CEP83: variants seen among roughly 807,000 people sequenced by gnomAD.
CEP83 encodes centrosomal protein 83, also known as centrosomal protein of 83 kDa.
CEP83 carries 70 observed loss-of-function variants against 101.9 expected under a neutral mutation model. That is an observed-to-expected ratio of 0.69 (90% CI 0.57 to 0.84). The LOEUF is 0.84. CEP83 is among the 40% of genes least tolerant of loss of function. CEP83 has a pLI of 0.00. For synonymous variants in CEP83, 264 were observed against 267.9 expected (o/e 0.99, Z 0.14); for missense variants, 715 against 787.2 (o/e 0.91, Z 1.10).
chr12:94,278,065 CCT>C, the CEP83 span: 8 of 455,938 alleles, frequency 1.8e-5, no homozygotes, highest in East Asian at 5.6e-4. Context: ...GCCCCCCCTC[CCT>C]CTGTCTCTGT....
chr12:94,301,019 A>T, the CEP83 span: 3 of 1,613,920 alleles, frequency 1.9e-6, no homozygotes, highest in South Asian at 3.3e-5. Context: ...CCAGGCATTC[A>T]TGGATGCATT....
intron 6 of CEP83, among the ~76,000 whole-genome samples, chr12:94,391,491 A>C (rs2062531417): frequency 6.6e-6 from 1 of 152,222 alleles, no homozygotes; most frequent in Non-Finnish European, 1.5e-5. Flanking sequence ...CTAAACATGG[A>C]AAGAAACAAC....
At chr12:94,268,020 T>C in the CEP83 span, among the ~76,000 whole-genome samples, 1 of 152,162 alleles carries the variant, frequency 6.6e-6, no homozygotes, top group East Asian at 1.9e-4. Flanking sequence ...TGGGGGCAGA[T>C]TCTTTCAAGG....
intron 14 of CEP83, among the ~76,000 whole-genome samples, chr12:94,324,060 T>A (rs1169209115): frequency 6.6e-6 from 1 of 152,256 alleles, no homozygotes; most frequent in African/African-American, 2.4e-5. Context: ...CATTTTTCTA[T>A]ATCACTAAAT....
At chr12:94,297,126 C>A in the CEP83 span, 2 of 1,545,082 alleles carry the variant, frequency 1.3e-6, no homozygotes, top group Non-Finnish European at 1.8e-6. Flanking sequence ...AAGAGAAGGC[C>A]GATTAGCCCA....
At chr12:94,444,624 G>T (rs2066663849) in intron 1 of CEP83, among the ~76,000 whole-genome samples, 2 of 152,102 alleles carry the variant, frequency 1.3e-5, no homozygotes, top group Admixed American at 1.3e-4. Flanking sequence ...TTCCAGGTAG[G>T]AATGGAGGAT....
chr12:94,453,030 T>C (rs931738772), intron 1 of CEP83, among the ~76,000 whole-genome samples: 1 of 152,236 alleles, frequency 6.6e-6, no homozygotes, highest in Admixed American at 6.5e-5. Flanking sequence ...TTTATTTAGA[T>C]AGGTTTACAT....
rs1464490195 is a variant in CEP83 at position 94,308,817 on chromosome 12, TCTC to T, written c.2099_2101del (p.Gly700del). 1 of 1,604,314 alleles carries T rather than the reference TCTC, an allele frequency of 6.2e-7. No homozygotes were observed. Among genetic ancestry groups the T allele is most frequent in the South Asian group, 1.1e-5 (1 of 90,750 alleles). On this transcript the variant is annotated inframe_deletion, in exon 17 of 17. Coordinates refer to ENST00000397809, the MANE Select transcript of CEP83 (RefSeq NM_016122.3). ...TCTGCCTGTTCTCCAAGAACATCAT[TCTC>T]CGGAAGATCCAAGTTCCTCTAGTTG...
At chr12:94,315,752 G>C (rs750458281) in intron 14 of CEP83, among the ~76,000 whole-genome samples, 3 of 151,690 alleles carry the variant, frequency 2.0e-5, no homozygotes, top group Non-Finnish European at 2.9e-5. Flanking sequence ...TATGTTGTGA[G>C]GTTAGGCTGA....
At chr12:94,322,563 GGAGA>G (rs1427468407) in intron 14 of CEP83, among the ~76,000 whole-genome samples, 1 of 152,182 alleles carries the variant, frequency 6.6e-6, no homozygotes, top group Non-Finnish European at 1.5e-5. Context: ...CCTCTCTCTG[GGAGA>G]GCCATTCCAG....
chr12:94,428,543 C>T (rs2065381025), intron 2 of CEP83, among the ~76,000 whole-genome samples: 1 of 152,150 alleles, frequency 6.6e-6, no homozygotes, highest in Non-Finnish European at 1.5e-5. Context: ...GAAATTGATA[C>T]TTAAAACTGA....
chr12:94,435,030 TCTGGTCC>T (rs1338267383), intron 2 of CEP83, among the ~76,000 whole-genome samples: 2 of 152,250 alleles, frequency 1.3e-5, no homozygotes, highest in Non-Finnish European at 2.9e-5. Flanking sequence ...TTCCTTATTC[TCTGGTCC>T]CTTATTCCCA....
chr12:94,294,855 G>GAT, the CEP83 span, among the ~76,000 whole-genome samples: 1 of 152,110 alleles, frequency 6.6e-6, no homozygotes, highest in African/African-American at 2.4e-5. Flanking sequence ...GCCTAACAGA[G>GAT]GAGATCCCCC....
At chr12:94,385,171 A>G (rs949238217) in intron 6 of CEP83, among the ~76,000 whole-genome samples, 1 of 152,140 alleles carries the variant, frequency 6.6e-6, no homozygotes, top group African/African-American at 2.4e-5. Context: ...CATAATGAAC[A>G]GGGGTGGGAG....
intron 7 of CEP83, among the ~76,000 whole-genome samples, chr12:94,376,690 T>TATACACACACACACAC (rs1555235995): frequency 1.5e-3 from 176 of 117,350 alleles, no homozygotes; most frequent in East Asian, 5.1e-3. Context: ...TATACATATA[T>TATACACACACACACAC]ACACACACAC....
At chr12:94,406,349 A>AAACAAC (rs201551331) in intron 4 of CEP83, among the ~76,000 whole-genome samples, 5 of 151,476 alleles carry the variant, frequency 3.3e-5, no homozygotes, top group African/African-American at 4.9e-5. Flanking sequence ...AACAAAACAA[A>AAACAAC]AACAACAACA....
At chr12:94,412,693 CTTTTTTT>C (rs11330562) in intron 2 of CEP83, 102 bp from the exon 3 acceptor site, 3 of 213,900 alleles carry the variant, frequency 1.4e-5, no homozygotes, top group Non-Finnish European at 2.5e-5. Flanking sequence ...TTTTTTTTTT[CTTTTTTT>C]TTTTTTTTTG....
intron 11 of CEP83, among the ~76,000 whole-genome samples, chr12:94,336,599 T>C (rs182093213): frequency 3.3e-5 from 5 of 152,300 alleles, no homozygotes; most frequent in African/African-American, 4.8e-5. Flanking sequence ...TGTGAGATGA[T>C]TGGATAATAT....
chr12:94,435,504 C>T (rs898748725), intron 1 of CEP83, among the ~76,000 whole-genome samples, 177 bp from the exon 2 acceptor site: 3 of 152,190 alleles, frequency 2.0e-5, no homozygotes, highest in African/African-American at 7.2e-5. Context: ...GCAAATGCCA[C>T]AAGACAGCCA....
Sources: gnomAD v4.1 joint callset for allele counts (sites outside exome capture counted in the v4.1 genomes callset) on GRCh38, gnomAD v4.1.1 for gene constraint, MANE v1.5 for transcripts, NCBI Gene and HGNC (gene_info 2026-07-23, HGNC 2026-07-21) for gene names.